MAGI2: variants seen among roughly 807,000 people sequenced by gnomAD.
The protein encoded by MAGI2 is membrane-associated guanylate kinase, WW and PDZ domain-containing protein 2.
Under a neutral mutation model 133.3 loss-of-function variants are expected in MAGI2, and 35 were observed. That is an observed-to-expected ratio of 0.26 (90% CI 0.20 to 0.35). The LOEUF (loss-of-function observed/expected upper bound fraction) is 0.35, where lower values mean the gene tolerates loss of function less well. Among genes scored for constraint, MAGI2 ranks in the 10% least tolerant of loss-of-function variants. The probability of loss-of-function intolerance (pLI) is 1.00; values close to 1 mark genes in which losing one functional copy is unlikely to be tolerated. For missense variants in MAGI2, 1,636 were observed against 1,863.4 expected (o/e 0.88, Z 2.25); for synonymous variants, 729 against 710.6 (o/e 1.03, Z -0.41).
intron 1 of MAGI2, among the ~76,000 whole-genome samples, chr7:79,149,351 A>T (rs975751465): frequency 6.6e-6 from 1 of 151,642 alleles, no homozygotes; most frequent in Non-Finnish European, 1.5e-5. Context: ...GCCACTGCTA[A>T]CTCTACTGGC....
intron 1 of MAGI2, among the ~76,000 whole-genome samples, chr7:79,432,904 G>A (rs1190065533): frequency 6.6e-6 from 1 of 152,146 alleles, no homozygotes; most frequent in African/African-American, 2.4e-5. Flanking sequence ...GAGAAATGGA[G>A]GAAGAAGCTT....
chr7:79,081,378 A>C (rs1192620108), intron 1 of MAGI2, among the ~76,000 whole-genome samples: 1 of 152,182 alleles, frequency 6.6e-6, no homozygotes, highest in African/African-American at 2.4e-5. Flanking sequence ...GCCTTCATAT[A>C]TTTAAATACT....
At chr7:78,426,824 A>T (rs1799326580) in intron 6 of MAGI2, among the ~76,000 whole-genome samples, 1 of 152,188 alleles carries the variant, frequency 6.6e-6, no homozygotes, top group African/African-American at 2.4e-5. Flanking sequence ...ACCTAGGCAC[A>T]TGATGATTAA....
chr7:78,156,717 T>C (rs1824423307), intron 16 of MAGI2, among the ~76,000 whole-genome samples: 1 of 151,578 alleles, frequency 6.6e-6, no homozygotes, highest in African/African-American at 2.4e-5. Context: ...GCACCTGGGC[T>C]GTTAACCATG....
At chr7:78,123,808 A>C (rs1256366933) in intron 20 of MAGI2, among the ~76,000 whole-genome samples, 4 of 152,192 alleles carry the variant, frequency 2.6e-5, no homozygotes, top group Non-Finnish European at 5.9e-5. Context: ...GAGCTTCCTA[A>C]AACATAGCCT....
intron 2 of MAGI2, among the ~76,000 whole-genome samples, chr7:78,988,520 T>C (rs1478733166): frequency 6.6e-6 from 1 of 152,086 alleles, no homozygotes; most frequent in African/African-American, 2.4e-5. Context: ...GAAAACATGC[T>C]CACTCTCTCT....
chr7:79,218,196 A>G (rs759552142), intron 1 of MAGI2, among the ~76,000 whole-genome samples: 8 of 152,118 alleles, frequency 5.3e-5, no homozygotes, highest in Non-Finnish European at 1.0e-4. Context: ...CTGGGACTGC[A>G]TGAATACTTT....
intron 2 of MAGI2, among the ~76,000 whole-genome samples, chr7:78,779,498 G>A (rs771624164): frequency 2.0e-5 from 3 of 152,210 alleles, no homozygotes; most frequent in Non-Finnish European, 4.4e-5. Flanking sequence ...GGAAGAAAGA[G>A]AAGAAATAGT....
At chr7:78,077,749 G>C (rs1268274800) in intron 21 of MAGI2, among the ~76,000 whole-genome samples, 1 of 54,234 alleles carries the variant, frequency 1.8e-5, no homozygotes, top group Non-Finnish European at 3.2e-5. Flanking sequence ...TTTTTTTTGA[G>C]ACAGAGTTTC....
chr7:78,751,010 C>A (rs1444129903), intron 2 of MAGI2, among the ~76,000 whole-genome samples: 1 of 151,984 alleles, frequency 6.6e-6, no homozygotes, highest in Non-Finnish European at 1.5e-5. Flanking sequence ...TCTCTCTAGA[C>A]AGAACACAGA....
At chr7:78,926,750 T>G (rs887387653) in intron 2 of MAGI2, among the ~76,000 whole-genome samples, 1 of 152,040 alleles carries the variant, frequency 6.6e-6, no homozygotes, top group African/African-American at 2.4e-5. Context: ...GTACTTACAT[T>G]TTAAATAGAG....
Position 78,152,695 on chromosome 7 carries a change from C to T in MAGI2, c.2845+7330G>A, listed in dbSNP as rs942135434. Among the ~76,000 whole-genome samples, 7 of 152,302 alleles carry T rather than the reference C, an allele frequency of 4.6e-5. No homozygotes were observed. In the South Asian group the frequency reaches 6.2e-4, roughly 14 times the overall value. On this transcript the variant is annotated intron_variant, in intron 16 of 21. Transcript: ENST00000354212. ...GATTTTGAGGATATGTGCTTATCTT[C>T]GGCTTCAATTAGTTATATTAGAAGC...
At chr7:79,289,045 C>A (rs1316488116) in intron 1 of MAGI2, among the ~76,000 whole-genome samples, 1 of 152,072 alleles carries the variant, frequency 6.6e-6, no homozygotes, top group East Asian at 1.9e-4. Context: ...AAATGGAACA[C>A]CCATGTGTCA....
At chr7:78,485,751 A>G (rs1447880658) in intron 6 of MAGI2, 1 of 152,062 alleles carries the variant, frequency 6.6e-6, no homozygotes, top group Non-Finnish European at 1.5e-5. Context: ...GCACACATAT[A>G]TGACAAAATA....
intron 2 of MAGI2, among the ~76,000 whole-genome samples, chr7:78,634,981 A>T (rs1232577764): frequency 6.6e-6 from 1 of 152,202 alleles, no homozygotes; most frequent in Non-Finnish European, 1.5e-5. Context: ...GAACTGAAAG[A>T]GCAAAAATGC....
At chr7:79,139,876 T>C (rs1821952782) in intron 1 of MAGI2, 2 of 152,232 alleles carry the variant, frequency 1.3e-5, no homozygotes, top group South Asian at 4.1e-4. Flanking sequence ...TGTTTCTTAT[T>C]TACAATCCTT....
chr7:79,050,086 T>C lies in MAGI2; in HGVS notation c.302-42880A>G, dbSNP rs2116980364. Among the ~76,000 whole-genome samples, 3 of 152,230 alleles carry C rather than the reference T, an allele frequency of 2.0e-5. 1 individual carries two copies. The highest frequency in any genetic ancestry group is 6.8e-3 in the Middle Eastern group (2 of 294). On this transcript the variant is annotated intron_variant, in intron 1 of 21. Transcript: ENST00000354212. ...AAGTTCCTTCAAAGGTGATTTAAAT[T>C]TGCTTCTTTCAGGGGCCCTGAAAGC...
intron 1 of MAGI2, among the ~76,000 whole-genome samples, chr7:79,156,978 G>A (rs1018316124): frequency 6.6e-6 from 1 of 152,022 alleles, no homozygotes; most frequent in Non-Finnish European, 1.5e-5. Flanking sequence ...AAGTCCTCCT[G>A]AGTCCTGGAA....
intron 12 of MAGI2, among the ~76,000 whole-genome samples, chr7:78,188,440 T>A (rs972067694): frequency 6.6e-6 from 1 of 152,172 alleles, no homozygotes; most frequent in Non-Finnish European, 1.5e-5. Flanking sequence ...ATAATGCTTT[T>A]CCCATGAGAA....
Sources: gnomAD v4.1 joint callset for allele counts (sites outside exome capture counted in the v4.1 genomes callset) on GRCh38, gnomAD v4.1.1 for gene constraint, MANE v1.5 for transcripts, NCBI Gene and HGNC (gene_info 2026-07-23, HGNC 2026-07-21) for gene names.